Variants in FMN1 observed in about 807,000 individuals in gnomAD.
The protein encoded by FMN1 is formin-1.
In FMN1, 110 loss-of-function variants were observed where a neutral mutation model predicts 132.4. The observed-to-expected ratio is 0.83, with a 90% confidence interval of 0.71 to 0.97. The LOEUF (loss-of-function observed/expected upper bound fraction) is 0.97, where lower values mean the gene tolerates loss of function less well. Among genes scored for constraint, FMN1 ranks in the 50% least tolerant of loss-of-function variants. FMN1 has a pLI of 0.00. For missense variants in FMN1, 1,792 were observed against 1,705.3 expected, an observed-to-expected ratio of 1.05 and a Z score of -0.90; for synonymous variants, 722 against 651.7, an observed-to-expected ratio of 1.11 and a Z score of -1.64.
At chr15:32,970,902 G>T (rs948383198) in intron 7 of FMN1, 3 of 152,166 alleles carry the variant, frequency 2.0e-5, no homozygotes, top group African/African-American at 7.2e-5. Context: ...ACTGAAAGGC[G>T]AAGTTTTTCG....
At chr15:32,986,621 T>G (rs564134132) in intron 7 of FMN1, among the ~76,000 whole-genome samples, 1 of 152,218 alleles carries the variant, frequency 6.6e-6, no homozygotes, top group African/African-American at 2.4e-5. Flanking sequence ...TAAACGGAAT[T>G]TGGCAGAACA....
chr15:32,828,982 C>T (rs892679559), intron 17 of FMN1, among the ~76,000 whole-genome samples: 1 of 152,166 alleles, frequency 6.6e-6, no homozygotes, highest in Admixed American at 6.5e-5. Context: ...ATTTGCTACA[C>T]ATCGAATGTT....
chr15:33,106,307 CACACAG>C (rs1464425253), intron 4 of FMN1: 37 of 151,966 alleles, frequency 2.4e-4, no homozygotes, highest in Middle Eastern at 3.4e-3. Flanking sequence ...CACGCACACA[CACACAG>C]ACACAAAACG....
At chr15:32,782,765 T>C (rs974830346) in intron 19 of FMN1, among the ~76,000 whole-genome samples, 1 of 152,208 alleles carries the variant, frequency 6.6e-6, no homozygotes, top group African/African-American at 2.4e-5. Flanking sequence ...TGTCCATCAG[T>C]AGATGACTGG....
chr15:33,002,956 A>G (rs1444433848), intron 7 of FMN1, among the ~76,000 whole-genome samples: 1 of 152,238 alleles, frequency 6.6e-6, no homozygotes, highest in Non-Finnish European at 1.5e-5. Flanking sequence ...AGAACCAAAG[A>G]CAAAAACCAC....
At chr15:32,877,072 A>T (rs572306363) in intron 16 of FMN1, among the ~76,000 whole-genome samples, 1 of 152,286 alleles carries the variant, frequency 6.6e-6, no homozygotes, top group African/African-American at 2.4e-5. Context: ...GATCACCTGA[A>T]GTCAGGAGTC....
chr15:33,095,701 CA>C (rs887642499), intron 4 of FMN1, among the ~76,000 whole-genome samples: 1 of 150,936 alleles, frequency 6.6e-6, no homozygotes, highest in Non-Finnish European at 1.5e-5. Flanking sequence ...AATAAGAATG[CA>C]AAAAAAAGTC....
intron 10 of FMN1, among the ~76,000 whole-genome samples, chr15:32,923,396 C>T (rs1057511651): frequency 6.6e-6 from 1 of 152,224 alleles, no homozygotes; most frequent in African/African-American, 2.4e-5. Flanking sequence ...CAGTGTCAGT[C>T]AATGACTCCA....
intron 6 of FMN1, among the ~76,000 whole-genome samples, chr15:33,049,073 G>A (rs181068213): frequency 5.9e-4 from 90 of 152,302 alleles, no homozygotes; most frequent in Non-Finnish European, 1.0e-3. Flanking sequence ...AGTTGTGGAA[G>A]GTTTGTGAAA....
chr15:32,917,134 G>A (rs996819373), intron 10 of FMN1, among the ~76,000 whole-genome samples: 7 of 152,274 alleles, frequency 4.6e-5, no homozygotes, highest in Non-Finnish European at 8.8e-5. Context: ...GAAAAAAACT[G>A]CAAGAAGTGG....
chr15:32,818,664 C>G (rs1213912999), intron 17 of FMN1, among the ~76,000 whole-genome samples: 1 of 152,032 alleles, frequency 6.6e-6, no homozygotes, highest in Admixed American at 6.6e-5. Context: ...ACTACTTATT[C>G]TGTATTTGAA....
At chr15:33,067,788 A>T in intron 5 of FMN1, 2 of 1,614,030 alleles carry the variant, frequency 1.2e-6, no homozygotes, top group Non-Finnish European at 1.7e-6. Context: ...TTCATAGAGA[A>T]CTTACTCAGG....
chr15:32,850,957 C>T (rs2058994557), intron 17 of FMN1, among the ~76,000 whole-genome samples: 1 of 151,994 alleles, frequency 6.6e-6, no homozygotes, highest in Non-Finnish European at 1.5e-5. Flanking sequence ...TACTTGGAGG[C>T]TGAGGCAGGA....
At chr15:32,948,121 G>C (rs185542881) in intron 9 of FMN1, among the ~76,000 whole-genome samples, 1 of 151,926 alleles carries the variant, frequency 6.6e-6, no homozygotes, top group African/African-American at 2.4e-5. Context: ...TACAATCTTA[G>C]TTACAAAATT....
chr15:32,787,022 A>T (rs191841408), intron 19 of FMN1, among the ~76,000 whole-genome samples: 120 of 152,242 alleles, frequency 7.9e-4, no homozygotes, highest in African/African-American at 2.8e-3. Flanking sequence ...TGTGAGGACC[A>T]CTCTCATTTC....
At chr15:32,820,526 T>C (rs1371364770) in intron 17 of FMN1, among the ~76,000 whole-genome samples, 1 of 152,174 alleles carries the variant, frequency 6.6e-6, no homozygotes, top group Non-Finnish European at 1.5e-5. Flanking sequence ...CACATATATA[T>C]ATATAGTTAT....
chr15:32,829,684 C>G (rs2058456103), intron 17 of FMN1, among the ~76,000 whole-genome samples: 1 of 152,154 alleles, frequency 6.6e-6, no homozygotes, highest in African/African-American at 2.4e-5. Flanking sequence ...TCTCAGCTTA[C>G]AAAAGCAATA....
chr15:33,150,555 T>C, intron 4 of FMN1: 1 of 985,468 alleles, frequency 1.0e-6, no homozygotes, highest in Non-Finnish European at 1.2e-6. Context: ...TGTGACATCC[T>C]TATGCTACAT....
chr15:33,073,530 G>A (rs561978069), intron 5 of FMN1, among the ~76,000 whole-genome samples: 106 of 152,238 alleles, frequency 7.0e-4, no homozygotes, highest in African/African-American at 2.5e-3. Flanking sequence ...TCTTGGTTCA[G>A]GAAGCGTGTT....
Sources: gnomAD v4.1 joint callset for allele counts (sites outside exome capture counted in the v4.1 genomes callset) on GRCh38, gnomAD v4.1.1 for gene constraint, MANE v1.5 for transcripts, NCBI Gene and HGNC (gene_info 2026-07-23, HGNC 2026-07-21) for gene names.